The following ZNF667 variants were observed in gnomAD, a reference collection of about 807,000 sequenced individuals.
ZNF667 encodes myocardial ischemic preconditioning upregulated 1 ortholog.
In ZNF667, 13 loss-of-function variants were observed where a neutral mutation model predicts 31.8. That is an observed-to-expected ratio of 0.41 (90% CI 0.27 to 0.65). ZNF667 has a LOEUF of 0.65. ZNF667 is among the 30% of genes least tolerant of loss of function. ZNF667 has a pLI of 0.32. For missense variants in ZNF667, 642 were observed against 725.6 expected (o/e 0.88, Z 1.32); for synonymous variants, 228 against 247.1 (o/e 0.92, Z 0.73).
At chr19:56,477,572 C>T (rs538416541), upstream of ZNF667, 104 of 152,822 alleles carry the variant, frequency 6.8e-4, 1 homozygote, top group South Asian at 8.1e-3. Flanking sequence ...CCTGCGCACA[C>T]CCCCGAGGCT....
Position 56,440,717 on chromosome 19 carries a change from AC to A in ZNF667, c.*444del. ...AGTGGTGCAATCTCTGCTCGGTGCA[AC>A]CCCCACCTCCTGGGTTCAAGCGATT... On this transcript the variant is annotated 3_prime_UTR_variant, in exon 7 of 7. Coordinates refer to ENST00000504904, the MANE Select transcript of ZNF667 (RefSeq NM_001321356.2). 1.7e-6 allele frequency: 1 copy of A among 597,000 alleles called. No homozygotes were observed. The highest frequency in any genetic ancestry group is 2.1e-6 in the Non-Finnish European group (1 of 470,098). 37.0% of individuals were successfully genotyped at this position (597,000 alleles called of 1,614,324 possible). A position where few individuals can be genotyped will look rare whatever the true frequency, so the allele number is the denominator to read the frequency against.
chr19:56,450,472 G>A (rs1025694099), intron 6 of ZNF667, among the ~76,000 whole-genome samples: 3 of 152,090 alleles, frequency 2.0e-5, no homozygotes, highest in Admixed American at 2.0e-4. Flanking sequence ...AAGCCTATAG[G>A]GAGTTCATCA....
At chr19:56,459,776 G>A (rs369644194) in intron 5 of ZNF667, among the ~76,000 whole-genome samples, 54 of 152,248 alleles carry the variant, frequency 3.5e-4, no homozygotes, top group African/African-American at 1.2e-3. Flanking sequence ...GGCAGATCAC[G>A]AGGTCAGGAG....
At position 56,442,353 on chromosome 19, in the gene ZNF667, G is replaced by C. The variant is rs2042626460; in HGVS notation, c.642C>G (p.Thr214=). 1 of 1,613,882 alleles carries C rather than the reference G, an allele frequency of 6.2e-7. No individual in the cohort carries two copies. The highest frequency in any genetic ancestry group is 8.5e-7 in the Non-Finnish European group (1 of 1,179,980). The change falls in exon 7 of 7, where the codon ACC becomes ACG. Residue 214 remains threonine (T), a synonymous_variant. Coordinates refer to ENST00000504904, the MANE Select transcript of ZNF667 (RefSeq NM_001321356.2). The stretch of plus-strand genomic sequence containing the variant: ...CATGAATTCTCATATGTAGAATAAG[G>C]GTTGTTCTTTGATTGAAGCTTTCCC... ...KCGESFNQRT[T]LILHMRIHDG... is the part of the protein sequence containing the mutation.
intron 6 of ZNF667, among the ~76,000 whole-genome samples, chr19:56,456,193 C>A (rs955195500): frequency 6.6e-5 from 10 of 152,172 alleles, no homozygotes; most frequent in Non-Finnish European, 1.0e-4. Context: ...ATTTTAATGG[C>A]AATATCCAAT....
intron 3 of ZNF667, among the ~76,000 whole-genome samples, chr19:56,463,264 A>G (rs974005892): frequency 1.1e-4 from 17 of 152,108 alleles, no homozygotes; most frequent in Non-Finnish European, 4.4e-5. Flanking sequence ...GTGTCAGAAG[A>G]GGGAGCAGGA....
chr19:56,466,010 C>G (rs2043151521), intron 3 of ZNF667, among the ~76,000 whole-genome samples: 1 of 152,198 alleles, frequency 6.6e-6, no homozygotes, highest in Non-Finnish European at 1.5e-5. Flanking sequence ...GCCGACGTAA[C>G]CAGCTCACAA....
upstream of ZNF667, chr19:56,477,381 C>T (rs567092643): frequency 1.3e-5 from 2 of 152,012 alleles, no homozygotes; most frequent in South Asian, 4.2e-4. Flanking sequence ...CTGCACCCCC[C>T]TTCACACACG....
chr19:56,441,310 T>G lies in ZNF667; in HGVS notation c.1685A>C (p.Lys562Thr). 1 of 1,614,246 alleles carries G rather than the reference T, an allele frequency of 6.2e-7. No homozygotes were observed. The highest frequency in any genetic ancestry group is 8.5e-7 in the Non-Finnish European group (1 of 1,180,044). ...EKPYECNECG[K>T]AFSSGSDLIR... is the part of the protein sequence containing the mutation. The stretch of plus-strand genomic sequence containing the variant: ...AAGGTCTGAGCCACTGCTAAATGCC[T>G]TCCCACATTCATTACATTCATAGGG... The change falls in exon 7 of 7, where the codon AAG (lysine) becomes ACG (threonine). Residue 562 changes from lysine (K) to threonine (T), a missense_variant. Lys to Thr is a moderately conservative substitution (Grantham distance 78). Coordinates refer to ENST00000504904, the MANE Select transcript of ZNF667 (RefSeq NM_001321356.2). The surrounding 1 kb of genome is among the most constrained non-coding windows in gnomAD (Gnocchi z 4.2).
rs969976360 is a variant in ZNF667 at position 56,460,602 on chromosome 19, A to G, written c.160+87T>C. On this transcript the variant is annotated intron_variant, in intron 5 of 6. Transcript: ENST00000504904. ...AAAGCTCTTTTAAAAAAGAAACTGC[A>G]GTGGCTTCCATTTTCCTGACTAGAC... 10 of 1,426,888 alleles carry G rather than the reference A, an allele frequency of 7.0e-6. No homozygotes were observed. The African/African-American group carries it at 1.4e-4, about 21-fold the overall frequency. 88.4% of individuals were successfully genotyped at this position (1,426,888 alleles called of 1,614,324 possible).
upstream of ZNF667, chr19:56,477,822 G>A (rs10425729): frequency 0.61 from 92,535 of 152,282 alleles, 28,986 homozygotes; most frequent in Middle Eastern, 0.73. Flanking sequence ...ACCCGCGGAG[G>A]CGGACACCGC....
At chr19:56,461,919 A>T (rs563863394) in intron 4 of ZNF667, among the ~76,000 whole-genome samples, 23 of 152,268 alleles carry the variant, frequency 1.5e-4, no homozygotes, top group African/African-American at 4.8e-4. Context: ...TTACAAGGAG[A>T]TACAAAACCA....
intron 1 of ZNF667, chr19:56,475,308 A>G (rs1019702029): frequency 6.6e-6 from 1 of 152,334 alleles, no homozygotes. Context: ...GAATGAATGC[A>G]TCTCGGAGCT....
intron 6 of ZNF667, among the ~76,000 whole-genome samples, chr19:56,452,894 G>A (rs1308211992): frequency 6.6e-6 from 1 of 151,608 alleles, no homozygotes; most frequent in Non-Finnish European, 1.5e-5. Flanking sequence ...ACTCCAGCCT[G>A]GGTGACAGAG....
In ZNF667 at chr19:56,458,191, A is replaced by G. The variant is rs2042972692; in HGVS notation, c.217T>C (p.Trp73Arg). The change falls in exon 6 of 7, where the codon TGG (tryptophan) becomes CGG (arginine). Residue 73 changes from tryptophan to arginine, a missense_variant. Coordinates refer to ENST00000504904, the MANE Select transcript of ZNF667 (RefSeq NM_001321356.2). ...CGTCTTCTTACTGGCTCTACCATCC[A>G]GGGTGCTTTCCCTTTCTCCAATAAG... ...ITLLEKGKAP[W>R]MVEPVRRRRA... The G allele has an allele frequency of 1.2e-6, 2 of 1,614,212 alleles. No individual in the cohort carries two copies. Among genetic ancestry groups the G allele is most frequent in the South Asian group, 1.1e-5 (1 of 91,082 alleles).
At chr19:56,458,296 G>T (rs2042975893) in intron 5 of ZNF667, 49 bp from the exon 6 acceptor site, 2 of 1,548,364 alleles carry the variant, frequency 1.3e-6, no homozygotes, top group East Asian at 2.2e-5. Context: ...GGGCACCACA[G>T]AAGTCAGAGC....
chr19:56,465,144 C>T (rs1201817652), intron 3 of ZNF667, among the ~76,000 whole-genome samples: 1 of 152,256 alleles, frequency 6.6e-6, no homozygotes. Context: ...ATGCCATCGT[C>T]ATACCCTGCT....
intron 6 of ZNF667, chr19:56,449,362 C>T (rs1428299169): frequency 9.1e-6 from 3 of 329,870 alleles, no homozygotes; most frequent in South Asian, 2.4e-5. Context: ...CTAATGTGAC[C>T]GTTCAGTCAG....
At chr19:56,473,447 G>A (rs1202747828) in intron 2 of ZNF667, among the ~76,000 whole-genome samples, 3 of 152,174 alleles carry the variant, frequency 2.0e-5, no homozygotes, top group African/African-American at 7.2e-5. Flanking sequence ...CAACCTAACA[G>A]CCCATCAATA....
Sources: allele counts gnomAD v4.1 joint callset (sites outside exome capture counted in the v4.1 genomes callset), GRCh38; gene constraint gnomAD v4.1.1; non-coding constraint Gnocchi (gnomAD v3.1); transcripts MANE v1.5; gene names NCBI Gene and HGNC (gene_info 2026-07-23, HGNC 2026-07-21).